The following CDC14B variants were observed in gnomAD, a reference collection of about 807,000 sequenced individuals.
CDC14B encodes dual specificity protein phosphatase CDC14B.
CDC14B carries 22 observed loss-of-function variants against 64.2 expected under a neutral mutation model. That is an observed-to-expected ratio of 0.34 (90% confidence interval 0.24 to 0.49). The LOEUF is 0.49. CDC14B is among the 20% of genes least tolerant of loss of function. The pLI is 0.99. For missense variants in CDC14B, 498 were observed against 629.9 expected, an observed-to-expected ratio of 0.79 and a Z score of 2.24; for synonymous variants, 191 against 215.8, an observed-to-expected ratio of 0.89 and a Z score of 1.01.
rs16910945 is a variant in CDC14B at position 96,494,099 on chromosome 9, C to T, written c.*81-847G>A. ...TGAGAGCCTGGGAGCCCTGTCTTGT[C>T]GTGCCTTGTCATTTTACAGTCAGGC... On this transcript the variant is annotated intron_variant and NMD_transcript_variant, in intron 13 of 13. Transcript: ENST00000474602. Among the ~76,000 whole-genome samples, 18 of 152,330 alleles carry T rather than the reference C, an allele frequency of 1.2e-4. No individual in the cohort carries two copies. The East Asian group carries it at 1.5e-3, about 13-fold the overall frequency.
At chr9:96,535,476 T>C (rs1183012076) in intron 7 of CDC14B, among the ~76,000 whole-genome samples, 2 of 152,196 alleles carry the variant, frequency 1.3e-5, no homozygotes, top group African/African-American at 4.8e-5. Context: ...TGAGTTACCA[T>C]TACTATTATA....
At chr9:96,567,883 T>C (rs1844204855) in intron 1 of CDC14B, among the ~76,000 whole-genome samples, 1 of 152,218 alleles carries the variant, frequency 6.6e-6, no homozygotes, top group South Asian at 2.1e-4. Context: ...CTCCATGATG[T>C]GATTATTGTG....
intron 12 of CDC14B, among the ~76,000 whole-genome samples, chr9:96,516,382 G>A (rs1000869531): frequency 1.5e-4 from 23 of 152,082 alleles, no homozygotes; most frequent in African/African-American, 5.1e-4. Flanking sequence ...TTTCACTTAG[G>A]TATGCATACT....
intron 1 of CDC14B, among the ~76,000 whole-genome samples, chr9:96,589,384 T>A (rs1007179201): frequency 2.6e-5 from 4 of 152,078 alleles, no homozygotes; most frequent in Non-Finnish European, 5.9e-5. Context: ...GTTTTTTGTT[T>A]AACTTGAATG....
intron 5 of CDC14B, among the ~76,000 whole-genome samples, chr9:96,544,699 GT>G (rs1215084495): frequency 2.0e-5 from 3 of 152,128 alleles, no homozygotes; most frequent in Non-Finnish European, 4.4e-5. Context: ...GTTTCACCAT[GT>G]TGCCCAGGCT....
At chr9:96,553,468 C>A (rs1842099537) in intron 4 of CDC14B, among the ~76,000 whole-genome samples, 1 of 151,574 alleles carries the variant, frequency 6.6e-6, no homozygotes, top group African/African-American at 2.4e-5. Context: ...AAGCAATTCT[C>A]CTGCCTCAAC....
At position 96,503,084 on chromosome 9, in the gene CDC14B, C is replaced by A; in HGVS notation, c.*669G>T. 2.6e-6 allele frequency: 1 copy of A among 389,132 alleles called. No individual in the cohort carries two copies. Among genetic ancestry groups the A allele is most frequent in the East Asian group, 3.6e-5 (1 of 27,550 alleles). The allele number at this position is 389,132 out of a possible 1,614,324, so 24.1% of individuals were successfully genotyped here. A position where few individuals can be genotyped will look rare whatever the true frequency, so the allele number is the denominator to read the frequency against. On this transcript the variant is annotated 3_prime_UTR_variant, in exon 14 of 14. Transcript: ENST00000375241. ...TCTCCTCCTGAGTCTTCTAAAGCTACCATTAATATTCTCTTGCAAGTTTTA... is the reference window on the plus strand; with the variant it reads ...TCTCCTCCTGAGTCTTCTAAAGCTAACATTAATATTCTCTTGCAAGTTTTA...
chr9:96,610,876 C>T (rs1217217067), intron 1 of CDC14B, among the ~76,000 whole-genome samples: 2 of 152,076 alleles, frequency 1.3e-5, no homozygotes, highest in African/African-American at 4.8e-5. Context: ...CATATAAAGA[C>T]AAATTTCAAC....
At chr9:96,567,966 TAAATA>T (rs1448855162) in intron 1 of CDC14B, among the ~76,000 whole-genome samples, 1 of 152,128 alleles carries the variant, frequency 6.6e-6, no homozygotes, top group Non-Finnish European at 1.5e-5. Flanking sequence ...ATAAAAACAT[TAAATA>T]AATTAAAATA....
chr9:96,580,250 C>T (rs1417482443), intron 1 of CDC14B, among the ~76,000 whole-genome samples: 2 of 147,094 alleles, frequency 1.4e-5, no homozygotes, highest in African/African-American at 2.5e-5. Context: ...TTTTTTGAGA[C>T]GGAGTTTCGC....
chr9:96,584,089 C>T (rs1307768029), intron 1 of CDC14B, among the ~76,000 whole-genome samples: 1 of 152,176 alleles, frequency 6.6e-6, no homozygotes, highest in Non-Finnish European at 1.5e-5. Context: ...TTCAAGTAAG[C>T]TTTTCATAAA....
At chr9:96,583,953 C>T (rs193054627) in intron 1 of CDC14B, among the ~76,000 whole-genome samples, 22 of 151,862 alleles carry the variant, frequency 1.4e-4, no homozygotes, top group African/African-American at 5.3e-4. Flanking sequence ...CTCCTGACCT[C>T]GTGATCCGCC....
At chr9:96,528,537 AAAGAAG>A (rs150995580) in intron 9 of CDC14B, among the ~76,000 whole-genome samples, 7,848 of 152,104 alleles carry the variant, frequency 0.052, 677 homozygotes, top group African/African-American at 0.18. Context: ...AAAGAAAAAA[AAAGAAG>A]AAGAAGAAGA....
At position 96,515,803 on chromosome 9, in the gene CDC14B, G is replaced by A; in HGVS notation, c.1344-6014C>T. ...ACAGCTAGGGGACATCTGGAAAGGG[G>A]TGAAGGGGAAAGAACAGATGTTCAA... On this transcript the variant is annotated intron_variant, in intron 12 of 13. Coordinates refer to ENST00000375241, the MANE Select transcript of CDC14B (RefSeq NM_033331.4). This position sits in a 1 kb window ranked among gnomAD's most constrained non-coding sequence, Gnocchi z 4.3. 1 of 1,582,674 alleles carries A rather than the reference G, an allele frequency of 6.3e-7. No individual in the cohort carries two copies. Among genetic ancestry groups the A allele is most frequent in the Non-Finnish European group, 8.6e-7 (1 of 1,165,060 alleles).
At chr9:96,617,958 C>T (rs1054706429) in intron 1 of CDC14B, among the ~76,000 whole-genome samples, 3 of 152,200 alleles carry the variant, frequency 2.0e-5, no homozygotes, top group Non-Finnish European at 4.4e-5. Flanking sequence ...GACTTGGCTT[C>T]TCAGTCTCAG....
intron 1 of CDC14B, among the ~76,000 whole-genome samples, chr9:96,597,013 A>T (rs1431677574): frequency 6.6e-6 from 1 of 152,224 alleles, no homozygotes; most frequent in Admixed American, 6.5e-5. Flanking sequence ...TTCTGTAAGC[A>T]CACAGATCCA....
chr9:96,611,263 A>G (rs955784489), intron 1 of CDC14B, among the ~76,000 whole-genome samples: 1 of 152,236 alleles, frequency 6.6e-6, no homozygotes, highest in African/African-American at 2.4e-5. Flanking sequence ...AATTCTTCTT[A>G]TAACACTAGA....
chr9:96,497,165 G>C (rs1027433236), downstream of CDC14B, among the ~76,000 whole-genome samples: 11 of 152,206 alleles, frequency 7.2e-5, no homozygotes, highest in Admixed American at 4.6e-4. Flanking sequence ...TGGCCCATTA[G>C]AGCCTCCGCG....
At position 96,502,893 on chromosome 9, in the gene CDC14B, G is replaced by T; in HGVS notation, c.*860C>A. 1 of 398,194 alleles carries T rather than the reference G, an allele frequency of 2.5e-6. No homozygotes were observed. The highest frequency in any genetic ancestry group is 4.4e-6 in the Non-Finnish European group (1 of 225,998). 24.7% of individuals were successfully genotyped at this position (398,194 alleles called of 1,614,324 possible). On this transcript the variant is annotated 3_prime_UTR_variant, in exon 14 of 14. Transcript: ENST00000375241. ...TAAGCCGACATTATTTGGGATTGCTGTTTCCAAGGGGAAAAACCAATAGTG... is the reference window on the plus strand; with the variant it reads ...TAAGCCGACATTATTTGGGATTGCTTTTTCCAAGGGGAAAAACCAATAGTG...
Sources: gnomAD v4.1 joint callset for allele counts (sites outside exome capture counted in the v4.1 genomes callset) on GRCh38, gnomAD v4.1.1 for gene constraint, Gnocchi (gnomAD v3.1) non-coding constraint, MANE v1.5 for transcripts, NCBI Gene and HGNC (gene_info 2026-07-23, HGNC 2026-07-21) for gene names.